The following IGF2BP3 variants were observed in gnomAD, a reference collection of about 807,000 sequenced individuals.
The protein encoded by IGF2BP3 is insulin-like growth factor 2 mRNA-binding protein 3.
Under a neutral mutation model 73.8 loss-of-function variants are expected in IGF2BP3, and 9 were observed. The ratio of observed to expected loss-of-function variants is 0.12; its 90% CI spans 0.07 to 0.21. IGF2BP3 has a LOEUF of 0.21. Among genes scored for constraint, IGF2BP3 ranks in the 10% least tolerant of loss-of-function variants. The pLI, the probability that IGF2BP3 is intolerant of heterozygous loss-of-function variation, is 1.00. For synonymous variants in IGF2BP3, 258 were observed against 256.7 expected, an observed-to-expected ratio of 1.01 and a Z score of -0.05; for missense variants, 542 against 714.0, an observed-to-expected ratio of 0.76 and a Z score of 2.75.
intron 2 of IGF2BP3, among the ~76,000 whole-genome samples, chr7:23,420,694 G>C (rs1418339753): frequency 6.6e-6 from 1 of 151,970 alleles, no homozygotes; most frequent in African/African-American, 2.4e-5. Flanking sequence ...TGATCCCTTC[G>C]AGAACAACAA....
intron 3 of IGF2BP3, among the ~76,000 whole-genome samples, chr7:23,389,457 G>A (rs1013346957): frequency 2.0e-5 from 3 of 151,746 alleles, no homozygotes; most frequent in Non-Finnish European, 2.9e-5. Context: ...CACCATACCC[G>A]ACTAACTCCC....
chr7:23,364,567 A>C (rs1785320096), intron 3 of IGF2BP3, among the ~76,000 whole-genome samples: 1 of 149,466 alleles, frequency 6.7e-6, no homozygotes, highest in Non-Finnish European at 1.5e-5. Flanking sequence ...AAAAAAAAAA[A>C]AAAAGCGGGA....
chr7:23,339,280 T>C (rs2128500126), intron 10 of IGF2BP3, among the ~76,000 whole-genome samples: 1 of 152,356 alleles, frequency 6.6e-6, no homozygotes, highest in Admixed American at 6.5e-5. Context: ...CTCCCATTCT[T>C]AAAACAAAAC....
intron 2 of IGF2BP3, chr7:23,467,784 A>T (rs1788601891): frequency 6.5e-6 from 1 of 152,900 alleles, no homozygotes; most frequent in African/African-American, 2.4e-5. Flanking sequence ...GATCTCGGAG[A>T]CGAGAAATCC....
intron 9 of IGF2BP3, among the ~76,000 whole-genome samples, chr7:23,343,092 C>T (rs941922962): frequency 6.6e-6 from 1 of 152,210 alleles, no homozygotes; most frequent in African/African-American, 2.4e-5. Context: ...CACCATTTCA[C>T]TGATTAAGGA....
intron 10 of IGF2BP3, among the ~76,000 whole-genome samples, chr7:23,333,221 C>T (rs1310843855): frequency 3.3e-5 from 5 of 152,182 alleles, no homozygotes; most frequent in South Asian, 4.1e-4. Context: ...TTCCTCGCAG[C>T]TAATTTTTTA....
At chr7:23,317,615 T>C (rs758950853) in intron 12 of IGF2BP3, 24 bp downstream of exon 12, 9 of 1,586,730 alleles carry the variant, frequency 5.7e-6, no homozygotes, top group South Asian at 4.4e-5. Context: ...CCTGTGGACA[T>C]AGCACATACT....
rs1223113364 is a variant in IGF2BP3, at chr7:23,310,487, T to C, written c.*1875A>G. The C allele has an allele frequency of 1.3e-5, 2 of 152,044 alleles. No homozygotes were observed. Among genetic ancestry groups the C allele is most frequent in the Non-Finnish European group, 2.9e-5 (2 of 68,014 alleles). The allele number at this position is 152,044 out of a possible 1,614,324, so 9.4% of individuals were successfully genotyped here. ...ATGTGTATATTTTTAAAAAATCAAA[T>C]ATTGGGGAAAAAAATCAAATACTGA... On this transcript the variant is annotated 3_prime_UTR_variant, in exon 15 of 15. Coordinates refer to ENST00000258729, the MANE Select transcript of IGF2BP3 (RefSeq NM_006547.3).
chr7:23,432,670 T>TG (rs201936681), intron 2 of IGF2BP3, among the ~76,000 whole-genome samples: 1,941 of 151,830 alleles, frequency 0.013, 43 homozygotes, highest in African/African-American at 0.045. Context: ...GAGAGGGTCT[T>TG]GCTCTGTTGC....
chr7:23,325,447 T>A (rs1784267121), intron 10 of IGF2BP3, among the ~76,000 whole-genome samples: 1 of 152,116 alleles, frequency 6.6e-6, no homozygotes, highest in Non-Finnish European at 1.5e-5. Context: ...GGAAGAACAT[T>A]CCATGCTCAT....
At chr7:23,316,776 C>T (rs1039689546) in intron 12 of IGF2BP3, among the ~76,000 whole-genome samples, 4 of 150,842 alleles carry the variant, frequency 2.7e-5, no homozygotes, top group African/African-American at 9.7e-5. Flanking sequence ...GACACCCATA[C>T]TAAATTTTGT....
At chr7:23,347,910 T>G in intron 6 of IGF2BP3, 176 bp from the exon 7 acceptor site, 1 of 594,688 alleles carries the variant, frequency 1.7e-6, no homozygotes, top group Non-Finnish European at 2.8e-6. Flanking sequence ...GAGGCAAATT[T>G]TAATTCTAGG....
At chr7:23,450,909 C>T (rs779615127) in intron 2 of IGF2BP3, among the ~76,000 whole-genome samples, 1 of 152,112 alleles carries the variant, frequency 6.6e-6, no homozygotes, top group South Asian at 2.1e-4. Context: ...TTTTTAACTA[C>T]CACTTGTCAT....
rs186713624 is a variant in IGF2BP3, at chr7:23,420,671, C to T, written c.237-1847G>A. ...CCAAAAGGGTGAGAACAAACAAATACCACAGCTGCCATTGATCCCTTCGAG... is the reference window on the plus strand; with the variant it reads ...CCAAAAGGGTGAGAACAAACAAATATCACAGCTGCCATTGATCCCTTCGAG... On this transcript the variant is annotated intron_variant, in intron 2 of 14. Coordinates refer to ENST00000258729, the MANE Select transcript of IGF2BP3 (RefSeq NM_006547.3). Among the ~76,000 whole-genome samples, 4 of 152,216 alleles carry T rather than the reference C, an allele frequency of 2.6e-5. No individual in the cohort carries two copies. In the East Asian group the frequency reaches 7.7e-4, roughly 29 times the overall value.
At chr7:23,372,271 C>T (rs1424374661) in intron 3 of IGF2BP3, among the ~76,000 whole-genome samples, 6 of 152,154 alleles carry the variant, frequency 3.9e-5, no homozygotes, top group African/African-American at 1.2e-4. Flanking sequence ...GATGGGGTTT[C>T]ACTATGTTGG....
intron 2 of IGF2BP3, among the ~76,000 whole-genome samples, chr7:23,440,128 T>C (rs900642674): frequency 6.6e-6 from 1 of 152,098 alleles, no homozygotes; most frequent in Non-Finnish European, 1.5e-5. Flanking sequence ...CTGGGTGTGG[T>C]GGCACGCGCC....
At chr7:23,394,767 C>T (rs1278917777) in intron 3 of IGF2BP3, 1 of 152,110 alleles carries the variant, frequency 6.6e-6, no homozygotes, top group African/African-American at 2.4e-5. Context: ...AGAATTCCTA[C>T]CATACAGAAA....
intron 3 of IGF2BP3, among the ~76,000 whole-genome samples, chr7:23,375,585 A>G (rs1180217216): frequency 6.6e-6 from 1 of 152,256 alleles, no homozygotes; most frequent in East Asian, 1.9e-4. Context: ...AAATTACTAG[A>G]GAAAAAGGGA....
rs145205704 is a variant in IGF2BP3, at chr7:23,347,730, C to T, written c.688G>A (p.Asp230Asn). Residue 230 changes from aspartate (D) to asparagine (N), a missense_variant, in exon 7 of 15, where the codon GAT (aspartate) becomes AAT (asparagine). Coordinates refer to ENST00000258729, the MANE Select transcript of IGF2BP3 (RefSeq NM_006547.3). Reference protein sequence around the residue: ...NITKQTQSKIDVHRKENAGAA... With the variant: ...NITKQTQSKINVHRKENAGAA... ...CCCGCATTTTCTTTACGGTGGACAT[C>T]GATTCTGATAGTGGGCGCAAGCAGA... 18 of 1,613,826 alleles carry T rather than the reference C, an allele frequency of 1.1e-5. No homozygotes were observed. Among genetic ancestry groups the T allele is most frequent in the East Asian group, 2.2e-5 (1 of 44,862 alleles).
Sources: allele counts gnomAD v4.1 joint callset (sites outside exome capture counted in the v4.1 genomes callset), GRCh38; gene constraint gnomAD v4.1.1; transcripts MANE v1.5; gene names NCBI Gene and HGNC (gene_info 2026-07-23, HGNC 2026-07-21).